The following MNAT1 variants were observed in gnomAD, a reference collection of about 807,000 sequenced individuals.
MNAT1 encodes MNAT1 component of CDK activating kinase.
In MNAT1, 43 loss-of-function variants were observed where a neutral mutation model predicts 42.0. The ratio of observed to expected loss-of-function variants is 1.02; its 90% CI spans 0.80 to 1.32. The LOEUF is 1.32. Ranked by LOEUF, MNAT1 falls within the 40% of genes most tolerant of loss-of-function variation. The pLI, the probability that MNAT1 is intolerant of heterozygous loss-of-function variation, is 0.00. For missense variants in MNAT1, 306 were observed against 350.4 expected (o/e 0.87, Z 1.01); for synonymous variants, 118 against 120.0 (o/e 0.98, Z 0.11).
chr14:60,803,718 A>C (rs1042815639), intron 3 of MNAT1, among the ~76,000 whole-genome samples: 10 of 152,196 alleles, frequency 6.6e-5, no homozygotes, highest in African/African-American at 2.4e-4. Context: ...AACTAGAATT[A>C]TTAGGGTGCC....
intron 7 of MNAT1, among the ~76,000 whole-genome samples, chr14:60,918,647 C>G (rs915357366): frequency 6.6e-6 from 1 of 151,270 alleles, no homozygotes; most frequent in Non-Finnish European, 1.5e-5. Context: ...TGTTGACACA[C>G]GTACTTTTAG....
At chr14:60,793,219 T>G (rs1028464120) in intron 1 of MNAT1, among the ~76,000 whole-genome samples, 8 of 151,890 alleles carry the variant, frequency 5.3e-5, no homozygotes, top group Non-Finnish European at 7.4e-5. Context: ...TTGTTTGTTT[T>G]TTTGTAGGAA....
At chr14:60,845,626 T>C (rs2033662629) in intron 6 of MNAT1, among the ~76,000 whole-genome samples, 1 of 152,100 alleles carries the variant, frequency 6.6e-6, no homozygotes, top group Non-Finnish European at 1.5e-5. Context: ...AACCATAATC[T>C]TGTTTTAGAA....
chr14:60,951,310 T>C (rs564818377), intron 7 of MNAT1, among the ~76,000 whole-genome samples: 75 of 144,848 alleles, frequency 5.2e-4, no homozygotes, highest in Non-Finnish European at 8.8e-4. Context: ...CTACTTTGTC[T>C]TATTGTTATT....
chr14:60,968,201 C>T (rs773928487), intron 7 of MNAT1, 28 bp from the exon 8 acceptor site: 14 of 1,528,398 alleles, frequency 9.2e-6, no homozygotes, highest in Non-Finnish European at 1.1e-5. Flanking sequence ...CTTTGTATAT[C>T]AATGCTACAC....
chr14:60,813,655 G>A (rs1295778523), intron 5 of MNAT1, among the ~76,000 whole-genome samples: 1 of 152,146 alleles, frequency 6.6e-6, no homozygotes, highest in Non-Finnish European at 1.5e-5. Context: ...CACACAGTAT[G>A]TACTGGGGAA....
At chr14:60,874,172 T>C (rs2034387812) in intron 6 of MNAT1, among the ~76,000 whole-genome samples, 1 of 152,226 alleles carries the variant, frequency 6.6e-6, no homozygotes, top group African/African-American at 2.4e-5. Flanking sequence ...TATCATTTAT[T>C]TAGTAATATG....
rs930741444 is a variant in MNAT1 at position 60,740,913 on chromosome 14, A to G, written c.89+5962A>G. Among the ~76,000 whole-genome samples, 1 of 152,140 alleles carries G rather than the reference A, an allele frequency of 6.6e-6. No individual in the cohort carries two copies. Among genetic ancestry groups the G allele is most frequent in the Non-Finnish European group, 1.5e-5 (1 of 68,024 alleles). ...CCATCTTGGTTGATAGCATTACCAG[A>G]TCTTCTGTATCTTTATTAATTTATT... On this transcript the variant is annotated intron_variant, in intron 1 of 7. Transcript: ENST00000261245. The surrounding 1 kb of genome is among the most constrained non-coding windows in gnomAD (Gnocchi z 4.1).
At chr14:60,910,978 C>T (rs1362617296) in intron 7 of MNAT1, among the ~76,000 whole-genome samples, 4 of 152,032 alleles carry the variant, frequency 2.6e-5, no homozygotes, top group Non-Finnish European at 5.9e-5. Context: ...TTGGTAAACT[C>T]TTAATTATTG....
intron 6 of MNAT1, among the ~76,000 whole-genome samples, chr14:60,861,591 A>T (rs2034096660): frequency 6.6e-6 from 1 of 152,148 alleles, no homozygotes; most frequent in Non-Finnish European, 1.5e-5. Flanking sequence ...GTCTACAGGC[A>T]TCTTAAAAAT....
intron 7 of MNAT1, among the ~76,000 whole-genome samples, chr14:60,941,703 TAA>T (rs74849961): frequency 1.4e-5 from 2 of 139,858 alleles, no homozygotes; most frequent in Admixed American, 7.2e-5. Context: ...CCCTGTTTCT[TAA>T]AAAAAAAAAA....
intron 7 of MNAT1, among the ~76,000 whole-genome samples, chr14:60,925,159 C>T (rs1236937163): frequency 5.9e-5 from 9 of 152,120 alleles, no homozygotes; most frequent in Admixed American, 3.3e-4. Flanking sequence ...AAACAATACA[C>T]GACAACACCT....
intron 7 of MNAT1, among the ~76,000 whole-genome samples, chr14:60,890,769 G>A (rs1403131194): frequency 6.6e-6 from 1 of 152,160 alleles, no homozygotes; most frequent in African/African-American, 2.4e-5. Flanking sequence ...ACCTTCTTTT[G>A]CCTGCTTTAT....
intron 1 of MNAT1, among the ~76,000 whole-genome samples, chr14:60,763,258 CCATTGCTG>C (rs934396999): frequency 2.0e-5 from 3 of 152,088 alleles, no homozygotes; most frequent in African/African-American, 7.2e-5. Context: ...GATGAAATGG[CCATTGCTG>C]CATTGCTGGT....
chr14:60,959,857 A>G (rs922413659), intron 7 of MNAT1, among the ~76,000 whole-genome samples: 1 of 149,858 alleles, frequency 6.7e-6, no homozygotes, highest in Admixed American at 6.6e-5. Flanking sequence ...TTAGCTTTGC[A>G]TGTTCAGAAT....
chr14:60,927,986 C>T (rs1594882020), intron 7 of MNAT1, among the ~76,000 whole-genome samples: 1 of 152,142 alleles, frequency 6.6e-6, no homozygotes, highest in East Asian at 1.9e-4. Flanking sequence ...GTTTTAGAAC[C>T]TTCGACAACC....
At chr14:60,754,456 T>A (rs951946930) in intron 1 of MNAT1, among the ~76,000 whole-genome samples, 7 of 151,986 alleles carry the variant, frequency 4.6e-5, no homozygotes, top group African/African-American at 1.4e-4. Context: ...CAAGCGATTC[T>A]GCTGTCTCGC....
In MNAT1 at chr14:60,889,655, T is replaced by A. The variant is rs200423656; in HGVS notation, c.809+9820T>A. On this transcript the variant is annotated intron_variant, in intron 7 of 7. Transcript: ENST00000261245. Reference sequence around the variant, plus strand: ...ACAGCAAAAGAAACTACCATCAGAGTGAACAGGCAACCTACAAAATGGGAG... The same window carrying A: ...ACAGCAAAAGAAACTACCATCAGAGAGAACAGGCAACCTACAAAATGGGAG... Among the ~76,000 whole-genome samples the A allele has an allele frequency of 1.3e-4, 20 of 151,958 alleles. No individual in the cohort carries two copies. The East Asian group carries it at 3.9e-3, about 29-fold the overall frequency.
At chr14:60,947,291 G>T (rs1456091888) in intron 7 of MNAT1, among the ~76,000 whole-genome samples, 2 of 152,076 alleles carry the variant, frequency 1.3e-5, no homozygotes, top group Non-Finnish European at 2.9e-5. Context: ...CAGGTCCAGA[G>T]CCCTGATAAT....
Sources: gnomAD v4.1 joint callset for allele counts (sites outside exome capture counted in the v4.1 genomes callset) on GRCh38, gnomAD v4.1.1 for gene constraint, Gnocchi (gnomAD v3.1) non-coding constraint, MANE v1.5 for transcripts, NCBI Gene and HGNC (gene_info 2026-07-23, HGNC 2026-07-21) for gene names.